GRK5: variants seen among roughly 807,000 people sequenced by gnomAD.
The protein encoded by GRK5 is g protein-coupled receptor kinase GRK5.
A neutral mutation model predicts 78.4 loss-of-function variants in GRK5; 40 were observed. That is an observed-to-expected ratio of 0.51 (90% CI 0.40 to 0.66). The LOEUF (loss-of-function observed/expected upper bound fraction) is 0.66, where lower values mean the gene tolerates loss of function less well. Among genes scored for constraint, GRK5 ranks in the 30% least tolerant of loss-of-function variants. GRK5 has a pLI of 0.00. For synonymous variants in GRK5, 289 were observed against 296.8 expected (o/e 0.97, Z 0.27); for missense variants, 598 against 759.9 (o/e 0.79, Z 2.50).
intron 1 of GRK5, among the ~76,000 whole-genome samples, chr10:119,293,016 C>G (rs959796519): frequency 2.0e-5 from 3 of 152,160 alleles, no homozygotes; most frequent in Admixed American, 1.3e-4. Context: ...CTGCACTCAG[C>G]ATTTGGTGGC....
rs527648698 is a variant in GRK5 at position 119,275,213 on chromosome 10, G to A, written c.53-51303G>A. On this transcript the variant is annotated intron_variant, in intron 1 of 15. Transcript: ENST00000392870. The stretch of plus-strand genomic sequence containing the variant: ...AGTTCCTGACTGTGAGGTTTCAGAC[G>A]GGATAAGCGCCTGGAGTAAAGTGTC... Among the ~76,000 whole-genome samples, 7 of 152,246 alleles carry A rather than the reference G, an allele frequency of 4.6e-5. No homozygotes were observed. In the South Asian group the frequency reaches 6.2e-4, roughly 14 times the overall value.
chr10:119,249,789 C>T (rs1849171793), intron 1 of GRK5, among the ~76,000 whole-genome samples: 1 of 152,254 alleles, frequency 6.6e-6, no homozygotes, highest in South Asian at 2.1e-4. Flanking sequence ...GCGTGAGCCA[C>T]TGCGTCCAGC....
chr10:119,347,232 AGTGT>A (rs375221943), intron 2 of GRK5, among the ~76,000 whole-genome samples: 1 of 151,602 alleles, frequency 6.6e-6, no homozygotes, highest in Non-Finnish European at 1.5e-5. Context: ...GTGTGTGTGC[AGTGT>A]GTGTGTGTGC....
chr10:119,370,954 A>AC (rs1392811835), intron 2 of GRK5, among the ~76,000 whole-genome samples: 2 of 133,708 alleles, frequency 1.5e-5, no homozygotes, highest in Non-Finnish European at 3.2e-5. Flanking sequence ...CCCTTTGGAC[A>AC]CCCCCCTCCT....
At chr10:119,440,617 C>G (rs959224900) in intron 10 of GRK5, among the ~76,000 whole-genome samples, 3 of 150,740 alleles carry the variant, frequency 2.0e-5, no homozygotes, top group Non-Finnish European at 4.4e-5. Flanking sequence ...GTGGTGCAAT[C>G]TCAACTCAGT....
chr10:119,288,160 C>T (rs1040459450), intron 1 of GRK5, among the ~76,000 whole-genome samples: 1 of 152,204 alleles, frequency 6.6e-6, no homozygotes, highest in African/African-American at 2.4e-5. Flanking sequence ...GCTCTGTTCC[C>T]CTCCCCACCC....
At chr10:119,387,168 C>A (rs1197039232) in intron 3 of GRK5, among the ~76,000 whole-genome samples, 1 of 152,114 alleles carries the variant, frequency 6.6e-6, no homozygotes, top group Non-Finnish European at 1.5e-5. Flanking sequence ...CCACACCCAG[C>A]TAATTTTGTA....
chr10:119,210,950 C>T (rs1287245432), intron 1 of GRK5, among the ~76,000 whole-genome samples: 1 of 151,974 alleles, frequency 6.6e-6, no homozygotes, highest in Admixed American at 6.6e-5. Flanking sequence ...CGTAATAAGA[C>T]ATAATATAAA....
At position 119,385,715 on chromosome 10, in the gene GRK5, G is replaced by T. The variant is rs534079165; in HGVS notation, c.261+4788G>T. Among the ~76,000 whole-genome samples the T allele has an allele frequency of 5.3e-5, 8 of 152,298 alleles. No individual in the cohort carries two copies. In the South Asian group the frequency reaches 1.7e-3, roughly 32 times the overall value. On this transcript the variant is annotated intron_variant, in intron 3 of 15. Transcript: ENST00000392870. ...GGAAAGATGGAGTAAGGATGAGGCT[G>T]CAGGAGGGTCACCTTGTGGGGAAAA... is the stretch of plus-strand genomic sequence containing the variant.
At chr10:119,386,453 A>G (rs1201303712) in intron 3 of GRK5, among the ~76,000 whole-genome samples, 1 of 152,130 alleles carries the variant, frequency 6.6e-6, no homozygotes, top group African/African-American at 2.4e-5. Context: ...CAGTTTGAAA[A>G]GGGGGGAAAA....
intron 13 of GRK5, among the ~76,000 whole-genome samples, chr10:119,450,501 G>A (rs1853255916): frequency 6.6e-6 from 1 of 152,228 alleles, no homozygotes; most frequent in South Asian, 2.1e-4. Flanking sequence ...TGGGAGAGTA[G>A]CGGGGCCTCC....
chr10:119,303,092 C>T lies in GRK5; in HGVS notation c.53-23424C>T, dbSNP rs75030445. Reference sequence around the variant, plus strand: ...GGGCAGGAGCGCAGAGAGGTGCACTCGTGGAGGGTGAGCCATGTGTCCGGT... The same window carrying T: ...GGGCAGGAGCGCAGAGAGGTGCACTTGTGGAGGGTGAGCCATGTGTCCGGT... On this transcript the variant is annotated intron_variant, in intron 1 of 15. Coordinates refer to ENST00000392870, the MANE Select transcript of GRK5 (RefSeq NM_005308.3). Among the ~76,000 whole-genome samples, 842 of 152,230 alleles carry T rather than the reference C, an allele frequency of 5.5e-3. 26 individuals carry two copies. Among genetic ancestry groups the T allele is most frequent in the East Asian group, 0.034 (178 of 5,172 alleles).
At chr10:119,263,202 T>C (rs1849440088) in intron 1 of GRK5, among the ~76,000 whole-genome samples, 1 of 152,180 alleles carries the variant, frequency 6.6e-6, no homozygotes, top group Non-Finnish European at 1.5e-5. Flanking sequence ...AGATGGGGTT[T>C]CACCATGTTG....
At chr10:119,260,940 G>C (rs1385687927) in intron 1 of GRK5, among the ~76,000 whole-genome samples, 1 of 151,960 alleles carries the variant, frequency 6.6e-6, no homozygotes, top group Non-Finnish European at 1.5e-5. Flanking sequence ...CAGACGGGGT[G>C]GTGGCCGGGC....
At chr10:119,399,869 A>G (rs1472449739) in intron 4 of GRK5, among the ~76,000 whole-genome samples, 1 of 152,026 alleles carries the variant, frequency 6.6e-6, no homozygotes, top group Non-Finnish European at 1.5e-5. Flanking sequence ...TTCACACTGG[A>G]CTGTGGCCAC....
intron 2 of GRK5, among the ~76,000 whole-genome samples, chr10:119,370,578 GCCTT>G (rs1430376353): frequency 1.3e-5 from 2 of 152,138 alleles, no homozygotes; most frequent in African/African-American, 4.8e-5. Context: ...CCTCTCCTGC[GCCTT>G]CCAAGGGGCG....
At chr10:119,293,907 A>G (rs1227295697) in intron 1 of GRK5, among the ~76,000 whole-genome samples, 2 of 152,132 alleles carry the variant, frequency 1.3e-5, no homozygotes, top group Non-Finnish European at 2.9e-5. Flanking sequence ...AATAATGACA[A>G]GAGCACTCTG....
At chr10:119,446,338 A>T (rs541122478) in intron 12 of GRK5, among the ~76,000 whole-genome samples, 237 of 152,310 alleles carry the variant, frequency 1.6e-3, no homozygotes, top group African/African-American at 5.4e-3. Flanking sequence ...CATTGCCAAG[A>T]TTTAGAAATG....
At chr10:119,286,192 G>A (rs1849844160) in intron 1 of GRK5, among the ~76,000 whole-genome samples, 1 of 151,550 alleles carries the variant, frequency 6.6e-6, no homozygotes, top group Admixed American at 6.6e-5. Context: ...AAAATAGAGA[G>A]GATAGTGTAA....
Sources: gnomAD v4.1 joint callset for allele counts (sites outside exome capture counted in the v4.1 genomes callset) on GRCh38, gnomAD v4.1.1 for gene constraint, MANE v1.5 for transcripts, NCBI Gene and HGNC (gene_info 2026-07-23, HGNC 2026-07-21) for gene names.